Variants in NAA30 observed in about 807,000 individuals in gnomAD.
NAA30 encodes the protein N-alpha-acetyltransferase 30, NatC catalytic subunit.
NAA30 carries 5 observed loss-of-function variants against 31.4 expected under a neutral mutation model. The ratio of observed to expected loss-of-function variants is 0.16; its 90% CI spans 0.08 to 0.33. The LOEUF is 0.33. Among genes scored for constraint, NAA30 ranks in the 10% least tolerant of loss-of-function variants. NAA30 has a pLI of 1.00. For synonymous variants in NAA30, 222 were observed against 207.1 expected (o/e 1.07, Z -0.62); for missense variants, 428 against 490.8 (o/e 0.87, Z 1.21).
At position 57,396,850 on chromosome 14, in the gene NAA30, T is replaced by C. The variant is rs1358762280; in HGVS notation, c.870T>C (p.Asp290=). 2.5e-6 allele frequency: 4 copies of C among 1,614,136 alleles called. No individual in the cohort carries two copies. Among genetic ancestry groups the C allele is most frequent in the Non-Finnish European group, 3.4e-6 (4 of 1,179,990 alleles). ...RRGYIAMLAV[D]SKYRRNGIGT... ...GTTATATAGCCATGTTAGCCGTGGA[T>C]TCCAAATACAGGAGAAATGGCATTG... Residue 290 remains aspartate, a synonymous_variant, in exon 3 of 5, where the codon GAT becomes GAC. Coordinates refer to ENST00000556492, the MANE Select transcript of NAA30 (RefSeq NM_001011713.3).
At chr14:57,395,251 G>A (rs147100856) in intron 2 of NAA30, among the ~76,000 whole-genome samples, 3 of 152,144 alleles carry the variant, frequency 2.0e-5, no homozygotes, top group African/African-American at 4.8e-5. Context: ...GGATTTTTCC[G>A]ACCTAGTTTA....
At chr14:57,407,576 A>G (rs2066503031) in intron 4 of NAA30, among the ~76,000 whole-genome samples, 1 of 152,216 alleles carries the variant, frequency 6.6e-6, no homozygotes, top group Non-Finnish European at 1.5e-5. Context: ...AAGGTGGGAA[A>G]GATCATGGTG....
chr14:57,402,638 C>A (rs907823795), intron 4 of NAA30, among the ~76,000 whole-genome samples: 2 of 152,038 alleles, frequency 1.3e-5, no homozygotes, highest in South Asian at 2.1e-4. Context: ...GTTAAAATGC[C>A]TTTGAAATGA....
At position 57,415,448 on chromosome 14, in the gene NAA30, G is replaced by T. The variant is rs997094507; in HGVS notation, c.*5932G>T. On this transcript the variant is annotated 3_prime_UTR_variant, in exon 5 of 5. Coordinates refer to ENST00000556492, the MANE Select transcript of NAA30 (RefSeq NM_001011713.3). Reference sequence around the variant, plus strand: ...ACAAAATATTTTGCCCCTTAAATAGGCATTTTAAGAAGTTTTATTTCCTGG... The same window carrying T: ...ACAAAATATTTTGCCCCTTAAATAGTCATTTTAAGAAGTTTTATTTCCTGG... The T allele has an allele frequency of 6.6e-6, 1 of 152,076 alleles. No individual in the cohort carries two copies. The highest frequency in any genetic ancestry group is 1.5e-5 in the Non-Finnish European group (1 of 68,014). The allele number at this position is 152,076 out of a possible 1,614,324, so 9.4% of individuals were successfully genotyped here.
chr14:57,401,565 G>C (rs540327123), intron 4 of NAA30, among the ~76,000 whole-genome samples: 1 of 152,272 alleles, frequency 6.6e-6, no homozygotes, highest in African/African-American at 2.4e-5. Flanking sequence ...AGAAAAGTCA[G>C]GTTTCACAAA....
rs60509583 is a variant in NAA30 at position 57,393,493 on chromosome 14, C to T, written c.771+1765C>T. ...ACAACCAGGCCATTTAAAACTGAAG[C>T]CTTTATCTTGGCATACTTTTAAATT... On this transcript the variant is annotated intron_variant, in intron 2 of 4. Coordinates refer to ENST00000556492, the MANE Select transcript of NAA30 (RefSeq NM_001011713.3). 1.3e-4 allele frequency among the ~76,000 whole-genome samples: 20 copies of T among 152,078 alleles called. No homozygotes were observed. The East Asian group carries it at 3.9e-3, about 29-fold the overall frequency.
Position 57,391,019 on chromosome 14 carries a change from C to A in NAA30, c.62C>A (p.Ala21Glu). The A allele has an allele frequency of 1.3e-6, 2 of 1,497,356 alleles. No homozygotes were observed. Among genetic ancestry groups the A allele is most frequent in the Non-Finnish European group, 1.8e-6 (2 of 1,131,716 alleles). The allele number at this position is 1,497,356 out of a possible 1,614,324, so 92.8% of individuals were successfully genotyped here. A position where few individuals can be genotyped will look rare whatever the true frequency, so the allele number is the denominator to read the frequency against. ...CCACCACCAGCACCTCCGGCCCCGG[C>A]GGCGGTCGAGCCCCGCTGTCCCTTC... Reference protein sequence around the residue: ...LLPPPAPPAPAAVEPRCPFPA... With the variant: ...LLPPPAPPAPEAVEPRCPFPA... Residue 21 changes from alanine to glutamate, a missense_variant, in exon 2 of 5, where the codon GCG becomes GAG. This residue lies in a region of NAA30 where 349 missense variants were observed against 310.4 expected (regional missense o/e 1.12). Transcript: ENST00000556492. This position sits in a 1 kb window ranked among gnomAD's most constrained non-coding sequence, Gnocchi z 4.1.
rs2066545011 is a variant in NAA30 at position 57,415,852 on chromosome 14, T to C, written c.*6336T>C. 6.6e-6 allele frequency: 1 copy of C among 150,516 alleles called. No individual in the cohort carries two copies. Among genetic ancestry groups the C allele is most frequent in the Non-Finnish European group, 1.5e-5 (1 of 67,592 alleles). 9.3% of individuals were successfully genotyped at this position (150,516 alleles called of 1,614,324 possible). On this transcript the variant is annotated 3_prime_UTR_variant, in exon 5 of 5. Coordinates refer to ENST00000556492, the MANE Select transcript of NAA30 (RefSeq NM_001011713.3). The stretch of plus-strand genomic sequence containing the variant: ...AAACAGTGACTCTGCATAGTCAGCG[T>C]TATACTTGATTTCTTTGTGAATGCA...
At chr14:57,398,928 AC>A (rs1208208610) in intron 3 of NAA30, among the ~76,000 whole-genome samples, 1 of 149,232 alleles carries the variant, frequency 6.7e-6, no homozygotes, top group Non-Finnish European at 1.5e-5. Context: ...GAGCCACTGC[AC>A]CCAGCCAGTT....
In NAA30 at chr14:57,391,041, C is replaced by T. The variant is rs8016298; in HGVS notation, c.84C>T (p.Pro28=). ...PAPAAVEPRC[P]FPAGAALACC... Reference sequence around the variant, plus strand: ...CGGCGGCGGTCGAGCCCCGCTGTCCCTTCCCGGCGGGGGCCGCCCTCGCCT... The same window carrying T: ...CGGCGGCGGTCGAGCCCCGCTGTCCTTTCCCGGCGGGGGCCGCCCTCGCCT... Residue 28 remains proline, a synonymous_variant, in exon 2 of 5, where the codon CCC becomes CCT. Transcript: ENST00000556492. The surrounding 1 kb of genome is among the most constrained non-coding windows in gnomAD (Gnocchi z 4.1). 5 of 1,512,822 alleles carry T rather than the reference C, an allele frequency of 3.3e-6. No homozygotes were observed. Among genetic ancestry groups the T allele is most frequent in the Non-Finnish European group, 4.4e-6 (5 of 1,137,790 alleles). The allele number at this position is 1,512,822 out of a possible 1,614,324, so 93.7% of individuals were successfully genotyped here.
intron 2 of NAA30, among the ~76,000 whole-genome samples, chr14:57,393,639 T>C (rs1448449492): frequency 5.3e-5 from 8 of 152,216 alleles, no homozygotes; most frequent in Admixed American, 2.6e-4. Flanking sequence ...ACTTAGGTTT[T>C]GTTCTGTTTT....
At chr14:57,398,908 A>T (rs2066462244) in intron 3 of NAA30, among the ~76,000 whole-genome samples, 1 of 152,014 alleles carries the variant, frequency 6.6e-6, no homozygotes. Context: ...AAGTGCTGGG[A>T]TTATAGGCTG....
rs2066478675 is a variant in NAA30, at chr14:57,401,802, G to A, written c.951+1919G>A. On this transcript the variant is annotated intron_variant, in intron 4 of 4. Transcript: ENST00000556492. ...TAGTGTTGGCTTTTCATGTAAAGAT[G>A]TCAGGAATGATATGAAGATTTTTAT... Among the ~76,000 whole-genome samples, 3 of 152,194 alleles carry A rather than the reference G, an allele frequency of 2.0e-5. No homozygotes were observed. In the South Asian group the frequency reaches 6.2e-4, roughly 31 times the overall value.
intron 3 of NAA30, among the ~76,000 whole-genome samples, chr14:57,398,972 A>C (rs998127695): frequency 7.9e-5 from 12 of 151,124 alleles, no homozygotes; most frequent in Non-Finnish European, 1.8e-4. Context: ...GGGTTTTGCC[A>C]TGACCTCAGC....
chr14:57,403,205 C>G lies in NAA30; in HGVS notation c.951+3322C>G, dbSNP rs1479963386. Reference sequence around the variant, plus strand: ...AAGAAAGAGATACATTTGGAAATCTCCGTGAAACCTTACTGTGCTCCGTGG... The same window carrying G: ...AAGAAAGAGATACATTTGGAAATCTGCGTGAAACCTTACTGTGCTCCGTGG... On this transcript the variant is annotated intron_variant, in intron 4 of 4. Transcript: ENST00000556492. Among the ~76,000 whole-genome samples, 6 of 150,744 alleles carry G rather than the reference C, an allele frequency of 4.0e-5. No individual in the cohort carries two copies. The East Asian group carries it at 9.8e-4, about 25-fold the overall frequency.
At chr14:57,395,918 A>G (rs1270790620) in intron 2 of NAA30, among the ~76,000 whole-genome samples, 4 of 152,092 alleles carry the variant, frequency 2.6e-5, no homozygotes, top group Non-Finnish European at 5.9e-5. Context: ...TCTACCATTC[A>G]GGTGTAAATA....
chr14:57,405,781 T>C (rs2066496010), intron 4 of NAA30, among the ~76,000 whole-genome samples: 1 of 152,210 alleles, frequency 6.6e-6, no homozygotes, highest in African/African-American at 2.4e-5. Context: ...AGTGCTAAAG[T>C]TCTAGCAGTG....
At chr14:57,392,918 C>T (rs944114548) in intron 2 of NAA30, among the ~76,000 whole-genome samples, 1 of 152,190 alleles carries the variant, frequency 6.6e-6, no homozygotes, top group South Asian at 2.1e-4. Flanking sequence ...CAATTCAGTA[C>T]ATTTGTTAAA....
intron 4 of NAA30, among the ~76,000 whole-genome samples, chr14:57,404,836 A>G (rs1339695131): frequency 6.6e-6 from 1 of 152,198 alleles, no homozygotes. Context: ...CAGCACGGGA[A>G]CGACTTGCCC....
Sources: allele counts gnomAD v4.1 joint callset (sites outside exome capture counted in the v4.1 genomes callset), GRCh38; gene constraint gnomAD v4.1.1; regional missense constraint gnomAD v4.1.1; non-coding constraint Gnocchi (gnomAD v3.1); transcripts MANE v1.5; gene names NCBI Gene and HGNC (gene_info 2026-07-23, HGNC 2026-07-21).